AGK: variants seen among roughly 807,000 people sequenced by gnomAD.
The protein encoded by AGK is acylglycerol kinase, also known as acylglycerol kinase, mitochondrial.
A neutral mutation model predicts 66.4 loss-of-function variants in AGK; 52 were observed. The ratio of observed to expected loss-of-function variants is 0.78; its 90% CI spans 0.63 to 0.99. The LOEUF is 0.99. AGK is among the 50% of genes least tolerant of loss of function. AGK has a pLI of 0.00. For missense variants in AGK, 451 were observed against 506.6 expected, an observed-to-expected ratio of 0.89 and a Z score of 1.05; for synonymous variants, 182 against 181.1, an observed-to-expected ratio of 1.00 and a Z score of -0.04.
intron 2 of AGK, among the ~76,000 whole-genome samples, chr7:141,556,719 T>C (rs1431413647): frequency 6.6e-6 from 1 of 152,162 alleles, no homozygotes; most frequent in Admixed American, 6.5e-5. Flanking sequence ...TTTCTTACTA[T>C]AGTCTCTTGA....
chr7:141,585,094 C>T (rs1245088497), intron 2 of AGK, among the ~76,000 whole-genome samples: 3 of 152,318 alleles, frequency 2.0e-5, no homozygotes, highest in African/African-American at 7.2e-5. Context: ...TTTTAAAAAT[C>T]ATTAACATTT....
intron 2 of AGK, among the ~76,000 whole-genome samples, chr7:141,567,241 T>C (rs1053851756): frequency 1.1e-4 from 16 of 152,202 alleles, no homozygotes; most frequent in African/African-American, 3.6e-4. Flanking sequence ...ATCATATTTT[T>C]GTAGCCCAGG....
chr7:141,628,915 G>T (rs990376679), intron 9 of AGK, among the ~76,000 whole-genome samples: 1 of 152,124 alleles, frequency 6.6e-6, no homozygotes, highest in Non-Finnish European at 1.5e-5. Flanking sequence ...AAGGTTTATA[G>T]AATTCTTTGT....
chr7:141,582,893 G>A (rs1054986705), intron 2 of AGK, among the ~76,000 whole-genome samples: 2 of 151,662 alleles, frequency 1.3e-5, no homozygotes, highest in Non-Finnish European at 2.9e-5. Flanking sequence ...GGGGAGGAGG[G>A]GAGAGGTCAG....
intron 2 of AGK, among the ~76,000 whole-genome samples, chr7:141,561,205 A>G (rs1562958294): frequency 6.6e-6 from 1 of 152,182 alleles, no homozygotes; most frequent in South Asian, 2.1e-4. Context: ...TATTTCTGCA[A>G]TTGCAAATTT....
chr7:141,559,969 C>CT (rs398111970), intron 2 of AGK, among the ~76,000 whole-genome samples: 13,995 of 147,048 alleles, frequency 0.095, 932 homozygotes, highest in East Asian at 0.34. Flanking sequence ...GTTCTAACAG[C>CT]TTTTTTTTTT....
intron 9 of AGK, among the ~76,000 whole-genome samples, chr7:141,624,863 C>T (rs1796902998): frequency 6.6e-6 from 1 of 152,164 alleles, no homozygotes; most frequent in South Asian, 2.1e-4. Flanking sequence ...TGCTATAGGT[C>T]ACATGCTATC....
At chr7:141,632,226 C>T (rs1456918479) in intron 9 of AGK, among the ~76,000 whole-genome samples, 14 of 147,948 alleles carry the variant, frequency 9.5e-5, no homozygotes, top group African/African-American at 1.8e-4. Context: ...AGTGAAACTC[C>T]GTCTAAAAAA....
At chr7:141,602,071 C>A (rs145997786) in intron 5 of AGK, among the ~76,000 whole-genome samples, 29 of 152,014 alleles carry the variant, frequency 1.9e-4, no homozygotes, top group South Asian at 1.2e-3. Flanking sequence ...TATGAGAGAC[C>A]CAAGTATGGT....
chr7:141,600,529 C>T (rs564130185), intron 4 of AGK, among the ~76,000 whole-genome samples: 6 of 152,116 alleles, frequency 3.9e-5, no homozygotes, highest in Non-Finnish European at 8.8e-5. Flanking sequence ...TTTATTCATT[C>T]GTTTGTGCAT....
intron 9 of AGK, among the ~76,000 whole-genome samples, chr7:141,630,990 G>A (rs969073923): frequency 5.3e-5 from 8 of 152,236 alleles, no homozygotes; most frequent in African/African-American, 1.9e-4. Flanking sequence ...GCTGAGTAGG[G>A]GTTCCATCAA....
At chr7:141,579,438 A>G (rs981192266) in intron 2 of AGK, among the ~76,000 whole-genome samples, 2 of 151,960 alleles carry the variant, frequency 1.3e-5, no homozygotes, top group East Asian at 3.9e-4. Flanking sequence ...TAAGTCTTAC[A>G]GAAGGGAAGA....
intron 5 of AGK, among the ~76,000 whole-genome samples, chr7:141,605,657 G>T (rs551694668): frequency 6.6e-6 from 1 of 152,158 alleles, no homozygotes; most frequent in Non-Finnish European, 1.5e-5. Context: ...ACTTCACATA[G>T]CTGGTTTTAT....
At chr7:141,607,576 G>A (rs981052350) in intron 5 of AGK, among the ~76,000 whole-genome samples, 5 of 151,882 alleles carry the variant, frequency 3.3e-5, no homozygotes, top group Admixed American at 2.6e-4. Flanking sequence ...TCTTTCTCAG[G>A]CTGTGGCTTG....
In AGK at chr7:141,634,252, G is replaced by A. The variant is rs1048304537; in HGVS notation, c.668+272G>A. On this transcript the variant is annotated intron_variant, in intron 10 of 15. Transcript: ENST00000649286. ...CTCTATTTTTAGACACACTATTTGA[G>A]CATAGGTTAGGCTCAAGCTAGGCTG... Among the ~76,000 whole-genome samples, 5 of 152,332 alleles carry A rather than the reference G, an allele frequency of 3.3e-5. No individual in the cohort carries two copies. In the East Asian group the frequency reaches 9.7e-4, roughly 29 times the overall value.
At position 141,632,027 on chromosome 7, in the gene AGK, G is replaced by A. The variant is rs560396213; in HGVS notation, c.589-1874G>A. ...GTGGATCATCTGAGGTCAGCAGTTG[G>A]AAACCAGCCTGGTCAACATGGTGAA... On this transcript the variant is annotated intron_variant, in intron 9 of 15. Transcript: ENST00000649286. Among the ~76,000 whole-genome samples the A allele has an allele frequency of 4.8e-4, 73 of 152,134 alleles. 1 individual carries two copies. Among genetic ancestry groups the A allele is most frequent in the South Asian group, 3.7e-3 (18 of 4,818 alleles).
intron 3 of AGK, chr7:141,594,099 A>G (rs1335998944): frequency 6.6e-6 from 1 of 152,218 alleles, no homozygotes; most frequent in African/African-American, 2.4e-5. Flanking sequence ...CCTGTGTTTT[A>G]CGAATTTGAT....
intron 5 of AGK, among the ~76,000 whole-genome samples, chr7:141,610,702 C>G (rs938460142): frequency 6.6e-6 from 1 of 152,166 alleles, no homozygotes. Context: ...TTCCCTCCCT[C>G]AACACACATA....
intron 2 of AGK, among the ~76,000 whole-genome samples, chr7:141,590,314 C>CA (rs1246874930): frequency 6.6e-6 from 1 of 152,048 alleles, no homozygotes; most frequent in Non-Finnish European, 1.5e-5. Context: ...TGGAAATGGG[C>CA]AGGATATAGA....
Sources: gnomAD v4.1 joint callset for allele counts (sites outside exome capture counted in the v4.1 genomes callset) on GRCh38, gnomAD v4.1.1 for gene constraint, MANE v1.5 for transcripts, NCBI Gene and HGNC (gene_info 2026-07-23, HGNC 2026-07-21) for gene names.